The following GRIA4 variants were observed in gnomAD, a reference collection of about 807,000 sequenced individuals.
GRIA4 encodes the protein glutamate ionotropic receptor AMPA type subunit 4.
A neutral mutation model predicts 104.0 loss-of-function variants in GRIA4; 34 were observed. That is an observed-to-expected ratio of 0.33 (90% confidence interval 0.25 to 0.44). GRIA4 has a LOEUF of 0.44. Ranked by LOEUF, GRIA4 falls within the 20% of genes least tolerant of loss-of-function variation. The pLI is 1.00. For missense variants in GRIA4, 750 were observed against 1,096.5 expected, an observed-to-expected ratio of 0.68 and a Z score of 4.46; for synonymous variants, 386 against 381.9, an observed-to-expected ratio of 1.01 and a Z score of -0.13.
intron 3 of GRIA4, among the ~76,000 whole-genome samples, chr11:105,689,087 T>C (rs570598584): frequency 6.6e-6 from 1 of 152,264 alleles, no homozygotes; most frequent in South Asian, 2.1e-4. Flanking sequence ...AAAATGGCAT[T>C]AAACACAATA....
intron 4 of GRIA4, among the ~76,000 whole-genome samples, chr11:105,768,778 A>G (rs1035322422): frequency 2.0e-5 from 3 of 152,052 alleles, no homozygotes; most frequent in African/African-American, 7.2e-5. Context: ...GCTGGGAAAA[A>G]TCCATATATA....
intron 5 of GRIA4, among the ~76,000 whole-genome samples, chr11:105,883,889 A>T (rs1946158202): frequency 6.6e-6 from 1 of 152,158 alleles, no homozygotes; most frequent in African/African-American, 2.4e-5. Flanking sequence ...TTACAGTCCC[A>T]CCAACAGTGT....
At chr11:105,887,346 C>T (rs2509482) in intron 5 of GRIA4, among the ~76,000 whole-genome samples, 173 bp from the exon 6 acceptor site, 38,115 of 151,948 alleles carry the variant, frequency 0.25, 4,890 homozygotes, top group Admixed American at 0.29. Context: ...ACCACTTATT[C>T]TGAATATGGC....
At chr11:105,693,774 GAGATC>G (rs1452906119) in intron 3 of GRIA4, among the ~76,000 whole-genome samples, 1 of 152,112 alleles carries the variant, frequency 6.6e-6, no homozygotes, top group African/African-American at 2.4e-5. Flanking sequence ...CTACAGCACA[GAGATC>G]AGAAAATTAC....
At chr11:105,784,156 C>T (rs938345399) in intron 4 of GRIA4, among the ~76,000 whole-genome samples, 1 of 152,152 alleles carries the variant, frequency 6.6e-6, no homozygotes, top group Non-Finnish European at 1.5e-5. Flanking sequence ...ATGCTTAGAA[C>T]AGTACCTGGG....
intron 5 of GRIA4, among the ~76,000 whole-genome samples, chr11:105,873,795 C>A (rs955130212): frequency 2.0e-5 from 3 of 151,994 alleles, no homozygotes; most frequent in Non-Finnish European, 4.4e-5. Flanking sequence ...TGTTTAAGTT[C>A]CTTGTAGATT....
chr11:105,912,606 A>C, intron 10 of GRIA4: 1 of 476,126 alleles, frequency 2.1e-6, no homozygotes, highest in South Asian at 9.2e-5. Context: ...TAAAGCCATC[A>C]ATATTTTTGC....
At chr11:105,752,602 T>C (rs1184668760) in intron 3 of GRIA4, among the ~76,000 whole-genome samples, 1 of 152,106 alleles carries the variant, frequency 6.6e-6, no homozygotes, top group Admixed American at 6.6e-5. Flanking sequence ...TAATTGTATG[T>C]TTGCATGTAG....
chr11:105,667,925 T>A (rs1952219311), intron 3 of GRIA4, among the ~76,000 whole-genome samples: 1 of 151,918 alleles, frequency 6.6e-6, no homozygotes, highest in African/African-American at 2.4e-5. Flanking sequence ...ATAGTCACTA[T>A]GCTGTACATA....
At chr11:105,659,388 A>G (rs1314712745) in intron 3 of GRIA4, among the ~76,000 whole-genome samples, 1 of 151,994 alleles carries the variant, frequency 6.6e-6, no homozygotes, top group East Asian at 1.9e-4. Context: ...GTGTCTCTGA[A>G]GAAAACATTA....
At chr11:105,794,496 T>TAC (rs1425984482) in intron 4 of GRIA4, among the ~76,000 whole-genome samples, 1 of 120,660 alleles carries the variant, frequency 8.3e-6, no homozygotes, top group Non-Finnish European at 1.7e-5. Context: ...TATATATATA[T>TAC]ATATATATAT....
At chr11:105,876,562 G>T (rs996050249) in intron 5 of GRIA4, among the ~76,000 whole-genome samples, 1 of 152,080 alleles carries the variant, frequency 6.6e-6, no homozygotes, top group Admixed American at 6.5e-5. Flanking sequence ...TTTCTTTGTA[G>T]GTCTCTAAGA....
intron 4 of GRIA4, among the ~76,000 whole-genome samples, chr11:105,803,358 T>G (rs1942803207): frequency 6.6e-6 from 1 of 151,964 alleles, no homozygotes; most frequent in Non-Finnish European, 1.5e-5. Flanking sequence ...AATTTAGATA[T>G]TCTCTTGGCT....
At chr11:105,839,102 A>G (rs551404809) in intron 4 of GRIA4, among the ~76,000 whole-genome samples, 1 of 152,044 alleles carries the variant, frequency 6.6e-6, no homozygotes, top group East Asian at 1.9e-4. Context: ...CTCTACTGCC[A>G]AGGCTGAGTT....
intron 3 of GRIA4, among the ~76,000 whole-genome samples, chr11:105,727,162 C>T (rs1938265056): frequency 6.6e-6 from 1 of 151,828 alleles, no homozygotes; most frequent in Admixed American, 6.6e-5. Flanking sequence ...GAATTGCTGA[C>T]TAGAATAACC....
chr11:105,938,355 G>A (rs753242581), intron 14 of GRIA4, among the ~76,000 whole-genome samples: 33 of 151,930 alleles, frequency 2.2e-4, no homozygotes, highest in Non-Finnish European at 5.9e-5. Flanking sequence ...TCTTTTTTTG[G>A]TATTATAAAC....
intron 3 of GRIA4, among the ~76,000 whole-genome samples, chr11:105,701,601 T>C (rs1953495301): frequency 6.6e-6 from 1 of 152,172 alleles, no homozygotes; most frequent in African/African-American, 2.4e-5. Context: ...TTTAAAGTAT[T>C]GGCTGTTACT....
intron 3 of GRIA4, among the ~76,000 whole-genome samples, chr11:105,740,980 C>G (rs1939270492): frequency 6.6e-6 from 1 of 152,038 alleles, no homozygotes; most frequent in African/African-American, 2.4e-5. Context: ...TATTTACATT[C>G]TCTGTTGAGA....
At chr11:105,947,907 G>A (rs1481929288) in intron 14 of GRIA4, among the ~76,000 whole-genome samples, 1 of 152,098 alleles carries the variant, frequency 6.6e-6, no homozygotes, top group East Asian at 1.9e-4. Context: ...AAAATAAGCA[G>A]CTTTGTATCT....
Sources: allele counts gnomAD v4.1 joint callset (sites outside exome capture counted in the v4.1 genomes callset), GRCh38; gene constraint gnomAD v4.1.1; transcripts MANE v1.5; gene names NCBI Gene and HGNC (gene_info 2026-07-23, HGNC 2026-07-21).